The following CACNA2D4 variants were observed in gnomAD, a reference collection of about 807,000 sequenced individuals.
CACNA2D4 encodes the protein calcium voltage-gated channel auxiliary subunit alpha2delta 4.
A neutral mutation model predicts 163.8 loss-of-function variants in CACNA2D4; 157 were observed. The observed-to-expected ratio is 0.96, with a 90% CI of 0.84 to 1.09. The LOEUF (loss-of-function observed/expected upper bound fraction) is 1.09, where lower values mean the gene tolerates loss of function less well. Ranked by LOEUF, CACNA2D4 falls within the 50% of genes least tolerant of loss-of-function variation. The pLI is 0.00. For missense variants in CACNA2D4, 1,410 were observed against 1,479.9 expected, an observed-to-expected ratio of 0.95 and a Z score of 0.78; for synonymous variants, 598 against 586.9, an observed-to-expected ratio of 1.02 and a Z score of -0.27.
rs1379874017 is a variant in CACNA2D4 at position 1,840,772 on chromosome 12, C to A, written c.2518G>T (p.Val840Leu). The A allele has an allele frequency of 1.9e-6, 3 of 1,613,830 alleles. No homozygotes were observed. Among genetic ancestry groups the A allele is most frequent in the Admixed American group, 3.3e-5 (2 of 60,014 alleles). ...ATGGCTGTCCTCTTGTCCACGGTCA[C>A]CGCCACAGCTGTGCTTGCCGTCACC... Reference protein sequence around the residue: ...MVVTASTAVAVTVDKRTAIAA... With the variant: ...MVVTASTAVALTVDKRTAIAA... Residue 840 changes from valine to leucine, a missense_variant, in exon 26 of 38, where the codon GTG (valine) becomes TTG (leucine). Physicochemically the swap from Val to Leu is conservative, Grantham distance 32 (BLOSUM62 1). Coordinates refer to ENST00000382722, the MANE Select transcript of CACNA2D4 (RefSeq NM_172364.5).
At chr12:1,909,699 G>C (rs147540245) in intron 4 of CACNA2D4, among the ~76,000 whole-genome samples, 1 of 152,192 alleles carries the variant, frequency 6.6e-6, no homozygotes, top group African/African-American at 2.4e-5. Context: ...GCTTTATACC[G>C]GAGTTATTTG....
intron 24 of CACNA2D4, among the ~76,000 whole-genome samples, chr12:1,845,236 C>T (rs1865117285): frequency 6.6e-6 from 1 of 152,048 alleles, no homozygotes; most frequent in Admixed American, 6.5e-5. Flanking sequence ...GTGAAGGGAG[C>T]CCCTGGGAGT....
In CACNA2D4 at chr12:1,883,295, C is replaced by T. The variant is rs1866050731; in HGVS notation, c.1352-295G>A. ...ACGCAAGAGTGTTGGGGGTCAGCCT[C>T]TCCCTCTCCCAGCCTCGCCCTCCCA... On this transcript the variant is annotated intron_variant, in intron 12 of 37. Coordinates refer to ENST00000382722, the MANE Select transcript of CACNA2D4 (RefSeq NM_172364.5). The surrounding 1 kb of genome is among the most constrained non-coding windows in gnomAD (Gnocchi z 4.5). 6.6e-6 allele frequency among the ~76,000 whole-genome samples: 1 copy of T among 152,200 alleles called. No homozygotes were observed. The highest frequency in any genetic ancestry group is 1.5e-5 in the Non-Finnish European group (1 of 68,026).
At chr12:1,884,491 G>T (rs921955880) in intron 11 of CACNA2D4, among the ~76,000 whole-genome samples, 170 bp from the exon 12 acceptor site, 3 of 152,176 alleles carry the variant, frequency 2.0e-5, no homozygotes, top group African/African-American at 7.2e-5. Flanking sequence ...GGGCCATGGG[G>T]ACTGCGGGTA....
At chr12:1,849,763 G>A (rs1024505851) in intron 23 of CACNA2D4, among the ~76,000 whole-genome samples, 2 of 152,038 alleles carry the variant, frequency 1.3e-5, no homozygotes, top group East Asian at 3.9e-4. Flanking sequence ...ATACATATAC[G>A]CATGTACATT....
In CACNA2D4 at chr12:1,798,626, C is replaced by T. The variant is rs531423108; in HGVS notation, c.2995+1049G>A. ...GGAAGGGGCTGCAGCACCTACGCCC[C>T]GGCCTGGGACTCCAAGTCCAGTGCG... On this transcript the variant is annotated intron_variant, in intron 34 of 37. Transcript: ENST00000382722. This position sits in a 1 kb window ranked among gnomAD's most constrained non-coding sequence, Gnocchi z 4.3. Among the ~76,000 whole-genome samples the T allele has an allele frequency of 1.1e-4, 16 of 152,274 alleles. 1 individual carries two copies. The South Asian group carries it at 3.1e-3, about 30-fold the overall frequency.
chr12:1,846,804 A>T, intron 23 of CACNA2D4, 115 bp from the exon 24 acceptor site: 1 of 832,086 alleles, frequency 1.2e-6, no homozygotes, highest in Non-Finnish European at 2.0e-6. Flanking sequence ...CTCAGGGAAG[A>T]CTTTCCAGGA....
intron 29 of CACNA2D4, among the ~76,000 whole-genome samples, chr12:1,804,586 T>C (rs1197591570): frequency 6.6e-6 from 1 of 152,242 alleles, no homozygotes; most frequent in Non-Finnish European, 1.5e-5. Context: ...CCGTCTTCTT[T>C]AGTTAGGCAG....
At chr12:1,813,687 G>A (rs768317015) in intron 26 of CACNA2D4, among the ~76,000 whole-genome samples, 6 of 152,120 alleles carry the variant, frequency 3.9e-5, no homozygotes, top group Non-Finnish European at 7.4e-5. Context: ...GTGGTGCTCC[G>A]GCTGGCTGGC....
chr12:1,905,400 GGAAA>G (rs1265713322), intron 6 of CACNA2D4, among the ~76,000 whole-genome samples: 2 of 151,880 alleles, frequency 1.3e-5, no homozygotes, highest in Non-Finnish European at 2.9e-5. Flanking sequence ...CATTCAAACT[GGAAA>G]GAAAGAAGTA....
chr12:1,841,340 C>T (rs1293491052), intron 25 of CACNA2D4, among the ~76,000 whole-genome samples: 7 of 152,224 alleles, frequency 4.6e-5, no homozygotes, highest in East Asian at 3.9e-4. Context: ...AACCGCTCTC[C>T]GGGTCTTTCA....
At chr12:1,853,742 G>C (rs1271056367) in intron 23 of CACNA2D4, among the ~76,000 whole-genome samples, 1 of 152,196 alleles carries the variant, frequency 6.6e-6, no homozygotes, top group Non-Finnish European at 1.5e-5. Flanking sequence ...CTCATGGCTG[G>C]AGTCCAACCC....
At chr12:1,911,569 C>T (rs919137504) in intron 3 of CACNA2D4, among the ~76,000 whole-genome samples, 2 of 152,134 alleles carry the variant, frequency 1.3e-5, no homozygotes, top group African/African-American at 4.8e-5. Flanking sequence ...TTCAGGGAGG[C>T]TTTGCAGGAA....
chr12:1,915,268 G>T, intron 1 of CACNA2D4: 1 of 702,586 alleles, frequency 1.4e-6, no homozygotes, highest in South Asian at 1.5e-5. Context: ...GGACCCAGCG[G>T]CTGCACTGCT....
chr12:1,831,831 C>T (rs551777417), intron 26 of CACNA2D4, among the ~76,000 whole-genome samples: 1 of 151,822 alleles, frequency 6.6e-6, no homozygotes, highest in South Asian at 2.1e-4. Flanking sequence ...CTGGATCTCC[C>T]TTTCTTAGGT....
intron 29 of CACNA2D4, among the ~76,000 whole-genome samples, chr12:1,807,029 C>T (rs959802106): frequency 1.3e-5 from 2 of 151,848 alleles, no homozygotes; most frequent in South Asian, 4.1e-4. Flanking sequence ...GGAGTCCTGC[C>T]CTTGTGTAAG....
intron 26 of CACNA2D4, chr12:1,831,215 G>A (rs765372432): frequency 4.0e-5 from 65 of 1,613,660 alleles, no homozygotes; most frequent in Non-Finnish European, 5.1e-5. Flanking sequence ...GGGACCTGAC[G>A]AATCTGACTG....
In CACNA2D4 at chr12:1,799,695, G is replaced by A; in HGVS notation, c.2975C>T (p.Ala992Val). ...WGSWYDRGAE[A>V]KSVFHHSHKH... is the part of the protein sequence containing the mutation. ...CTTACAGTGATGGAAGACACTTTTG[G>A]CTGGCCGGAACATAAGCCCAGCACA... The change falls in exon 34 of 38, where the codon GCC becomes GTC. Residue 992 changes from alanine (A) to valine (V), a missense_variant and splice_region_variant. Physicochemically the swap from Ala to Val is moderately conservative, Grantham distance 64. Transcript: ENST00000382722. This position sits in a 1 kb window ranked among gnomAD's most constrained non-coding sequence, Gnocchi z 4.7. 1 of 1,571,662 alleles carries A rather than the reference G, an allele frequency of 6.4e-7. No individual in the cohort carries two copies. Among genetic ancestry groups the A allele is most frequent in the Non-Finnish European group, 8.6e-7 (1 of 1,158,850 alleles).
chr12:1,879,772 C>A, intron 14 of CACNA2D4, 32 bp downstream of exon 14: 1 of 1,547,654 alleles, frequency 6.5e-7, no homozygotes, highest in South Asian at 1.2e-5. Flanking sequence ...GTTCTAATCC[C>A]TGCTACAACG....
Sources: allele counts gnomAD v4.1 joint callset (sites outside exome capture counted in the v4.1 genomes callset), GRCh38; gene constraint gnomAD v4.1.1; non-coding constraint Gnocchi (gnomAD v3.1); transcripts MANE v1.5; gene names NCBI Gene and HGNC (gene_info 2026-07-23, HGNC 2026-07-21).